Variants in WLS observed in about 807,000 individuals in gnomAD.
The protein encoded by WLS is protein wntless homolog.
WLS carries 23 observed loss-of-function variants against 62.8 expected under a neutral mutation model. The observed-to-expected ratio is 0.37, with a 90% confidence interval of 0.26 to 0.52. The LOEUF is 0.52. Ranked by LOEUF, WLS falls within the 20% of genes least tolerant of loss-of-function variation. The probability of loss-of-function intolerance (pLI) is 0.92; values close to 1 mark genes in which losing one functional copy is unlikely to be tolerated. For synonymous variants in WLS, 246 were observed against 244.1 expected (o/e 1.01, Z -0.07); for missense variants, 615 against 697.3 (o/e 0.88, Z 1.33).
rs763662898 is a variant in WLS at position 68,159,139 on chromosome 1, G to A, written c.488C>T (p.Thr163Ile). Residue 163 changes from threonine to isoleucine, a missense_variant, in exon 3 of 12, where the codon ACC (threonine) becomes ATC (isoleucine). Physicochemically the swap from Thr to Ile is moderately conservative, Grantham distance 89. Transcript: ENST00000262348. ...GGGTCATACCTTGGGAGATGTGAAG[G>A]TGCATTTGAGTTTCCGTGGTACTCT... is the stretch of plus-strand genomic sequence containing the variant. ...HERVPRKLKC[T>I]FTSPKTPEHE... 5 of 1,614,010 alleles carry A rather than the reference G, an allele frequency of 3.1e-6. No individual in the cohort carries two copies. The highest frequency in any genetic ancestry group is 4.2e-6 in the Non-Finnish European group (5 of 1,179,986).
rs74081604 is a variant in WLS at position 68,200,417 on chromosome 1, C to G, written c.107-6190G>C. Among the ~76,000 whole-genome samples, 1,184 of 123,744 alleles carry G rather than the reference C, an allele frequency of 9.6e-3. 19 individuals are homozygous for G. The highest frequency in any genetic ancestry group is 0.034 in the African/African-American group (1,121 of 32,532). The allele number at this position is 123,744 out of a possible 152,430, so 81.2% of individuals were successfully genotyped here. On this transcript the variant is annotated intron_variant, in intron 1 of 11. Coordinates refer to ENST00000262348, the MANE Select transcript of WLS (RefSeq NM_024911.7). ...CATAAAACATTTTGGGGTACTAGAA[C>G]TGGTTATTAGCCTTTATTTTTTAAA...
intron 1 of WLS, among the ~76,000 whole-genome samples, chr1:68,198,089 G>T (rs1243425340): frequency 6.6e-6 from 1 of 152,094 alleles, no homozygotes; most frequent in Non-Finnish European, 1.5e-5. Flanking sequence ...TTACCCAGCT[G>T]CCTCAGCACA....
In WLS at chr1:68,199,322, A is replaced by G. The variant is rs189382386; in HGVS notation, c.107-5095T>C. 8.5e-5 allele frequency among the ~76,000 whole-genome samples: 13 copies of G among 152,304 alleles called. No homozygotes were observed. The East Asian group carries it at 1.7e-3, about 20-fold the overall frequency. On this transcript the variant is annotated intron_variant, in intron 1 of 11. Coordinates refer to ENST00000262348, the MANE Select transcript of WLS (RefSeq NM_024911.7). ...TAGTGTGGGAGGCTGAGAAGTTCAC[A>G]AAGAATTACACCCTGATTGGAAATT... is the stretch of plus-strand genomic sequence containing the variant.
At chr1:68,228,135 A>T in intron 1 of WLS, 2 of 355,998 alleles carry the variant, frequency 5.6e-6, no homozygotes, top group South Asian at 4.5e-5. Context: ...TTAAAAATTT[A>T]AAAAGGCCAC....
At chr1:68,228,271 C>A (rs1650249992) in intron 1 of WLS, 1 of 442,954 alleles carries the variant, frequency 2.3e-6, no homozygotes, top group South Asian at 1.6e-5. Flanking sequence ...AACAATGCAA[C>A]AATTTTCTAT....
intron 6 of WLS, among the ~76,000 whole-genome samples, chr1:68,148,928 G>A (rs1013669567): frequency 6.6e-6 from 1 of 152,146 alleles, no homozygotes. Flanking sequence ...GGAACACAAA[G>A]AAAGGCCTCG....
rs11290966 is a variant in WLS at position 68,110,007 on chromosome 1, T to TAAAAAAAAAAAAAAAAA, written c.1511-11271_1511-11255dup. On this transcript the variant is annotated intron_variant, in intron 11 of 11. Coordinates refer to the WLS transcript ENST00000354777. ...TTGCACTGGAACACAACACAAAAAG[T>TAAAAAAAAAAAAAAAAA]AAAAAAAAAAAAAAAAAAAAAAAAA... Among the ~76,000 whole-genome samples, 10 of 28,420 alleles carry TAAAAAAAAAAAAAAAAA rather than the reference T, an allele frequency of 3.5e-4. 1 individual carries two copies. Among genetic ancestry groups the TAAAAAAAAAAAAAAAAA allele is most frequent in the African/African-American group, 1.1e-3 (7 of 6,158 alleles). The allele number at this position is 28,420 out of a possible 152,430, so 18.6% of individuals were successfully genotyped here. A position where few individuals can be genotyped will look rare whatever the true frequency, so the allele number is the denominator to read the frequency against.
In WLS at chr1:68,157,802, C is replaced by G. The variant is rs150800583; in HGVS notation, c.504+1321G>C. Among the ~76,000 whole-genome samples the G allele has an allele frequency of 3.1e-3, 477 of 152,290 alleles. 2 individuals are homozygous for G. Among genetic ancestry groups the G allele is most frequent in the Middle Eastern group, 6.8e-3 (2 of 294 alleles). ...GAAGCAGTTGCAGGCAAACACCCTT[C>G]CCCCTCGCTACTCAGTGCCCTCCAT... On this transcript the variant is annotated intron_variant, in intron 3 of 11. Coordinates refer to ENST00000262348, the MANE Select transcript of WLS (RefSeq NM_024911.7).
At chr1:68,120,315 C>T (rs1646347954) in intron 11 of WLS, among the ~76,000 whole-genome samples, 2 of 152,146 alleles carry the variant, frequency 1.3e-5, no homozygotes, top group South Asian at 2.1e-4. Flanking sequence ...TGAGGATTTG[C>T]TCAGTTATAG....
At chr1:68,114,106 G>A (rs1339133887) in intron 11 of WLS, among the ~76,000 whole-genome samples, 1 of 152,198 alleles carries the variant, frequency 6.6e-6, no homozygotes, top group East Asian at 1.9e-4. Flanking sequence ...TGGCTTCAAT[G>A]ACTGCAGATG....
chr1:68,126,075 A>C lies in WLS; in HGVS notation c.*151T>G. ...TCCAAAAGCTACCGTCAGAAGGCAA[A>C]CTGACAAATGTCCATGCCGCTGGTC... On this transcript the variant is annotated 3_prime_UTR_variant, in exon 12 of 12. Coordinates refer to ENST00000262348, the MANE Select transcript of WLS (RefSeq NM_024911.7). 6.9e-7 allele frequency: 1 copy of C among 1,443,124 alleles called. No individual in the cohort carries two copies. The highest frequency in any genetic ancestry group is 9.1e-7 in the Non-Finnish European group (1 of 1,094,278). The allele number at this position is 1,443,124 out of a possible 1,614,324, so 89.4% of individuals were successfully genotyped here.
chr1:68,228,126 T>A (rs532440279), intron 1 of WLS: 1 of 355,044 alleles, frequency 2.8e-6, no homozygotes, highest in East Asian at 7.6e-5. Flanking sequence ...TCCTCAACAT[T>A]AAAAATTTAA....
intron 1 of WLS, among the ~76,000 whole-genome samples, chr1:68,213,742 AAC>A (rs1649616099): frequency 6.6e-6 from 1 of 152,138 alleles, no homozygotes; most frequent in African/African-American, 2.4e-5. Context: ...AGCCCTTAAC[AAC>A]AAACTGTCTT....
upstream of WLS, chr1:68,232,534 C>T: frequency 1.4e-6 from 1 of 730,600 alleles, no homozygotes. Flanking sequence ...GGCCGCTCCG[C>T]CGCCTGTGGA....
intron 11 of WLS, chr1:68,102,670 A>G (rs1411757538): frequency 6.6e-6 from 1 of 152,254 alleles, no homozygotes; most frequent in East Asian, 1.9e-4. Flanking sequence ...GAGAAGCTCT[A>G]CTACCCAGAA....
chr1:68,148,554 C>G lies in WLS; in HGVS notation c.1070+9G>C. 6.2e-7 allele frequency: 1 copy of G among 1,613,776 alleles called. No homozygotes were observed. The highest frequency in any genetic ancestry group is 8.5e-7 in the Non-Finnish European group (1 of 1,179,884). On this transcript the variant is annotated intron_variant, in intron 7 of 11. Transcript: ENST00000262348. ...AGTTTGGCTCAGTGTCCCACAAACA[C>G]TTGCTCACCTCTCACACATGTCAAA...
intron 11 of WLS, among the ~76,000 whole-genome samples, chr1:68,114,594 C>G (rs1159082039): frequency 6.6e-6 from 1 of 152,172 alleles, no homozygotes; most frequent in Non-Finnish European, 1.5e-5. Flanking sequence ...TAATCCGTTT[C>G]ATGCTAAATG....
intron 11 of WLS, among the ~76,000 whole-genome samples, chr1:68,133,167 G>A (rs1036630074): frequency 3.9e-5 from 6 of 152,112 alleles, no homozygotes; most frequent in African/African-American, 1.4e-4. Context: ...GCACGTGTGT[G>A]TGTGTACACT....
At chr1:68,118,246 A>T (rs1646319053) in intron 11 of WLS, among the ~76,000 whole-genome samples, 1 of 152,218 alleles carries the variant, frequency 6.6e-6, no homozygotes, top group South Asian at 2.1e-4. Flanking sequence ...TGAACTGACA[A>T]CCTAAAAATA....
Sources: gnomAD v4.1 joint callset for allele counts (sites outside exome capture counted in the v4.1 genomes callset) on GRCh38, gnomAD v4.1.1 for gene constraint, MANE v1.5 for transcripts, NCBI Gene and HGNC (gene_info 2026-07-23, HGNC 2026-07-21) for gene names.